Variants in CASP10 observed in about 807,000 individuals in gnomAD.
The protein encoded by CASP10 is caspase-10.
Under a neutral mutation model 48.5 loss-of-function variants are expected in CASP10, and 41 were observed. That is an observed-to-expected ratio of 0.85 (90% confidence interval 0.66 to 1.10). The LOEUF is 1.10. Ranked by LOEUF, CASP10 falls within the 50% of genes least tolerant of loss-of-function variation. CASP10 has a pLI of 0.00. For synonymous variants in CASP10, 232 were observed against 238.4 expected (o/e 0.97, Z 0.25); for missense variants, 614 against 614.5 (o/e 1.00, Z 0.01).
At chr2:201,223,298 C>T (rs747948915), downstream of CASP10, among the ~76,000 whole-genome samples, 4 of 152,186 alleles carry the variant, frequency 2.6e-5, no homozygotes, top group Non-Finnish European at 4.4e-5. Context: ...TAACAGACTC[C>T]TCCTCCACCG....
Position 201,193,051 on chromosome 2 carries a change from T to G in CASP10, c.509T>G (p.Leu170Arg). Residue 170 changes from leucine to arginine, a missense_variant, in exon 4 of 10, where the codon CTG (leucine) becomes CGG (arginine). Coordinates refer to ENST00000286186, the MANE Select transcript of CASP10 (RefSeq NM_032977.4). Reference protein sequence around the residue: ...GKIDEDNLTCLEDLCKTVVPK... With the variant: ...GKIDEDNLTCREDLCKTVVPK... ...ATAGATGAAGATAATCTGACATGCC[T>G]GGAGGACCTCTGCAAAACAGTTGTA... 1 of 1,613,766 alleles carries G rather than the reference T, an allele frequency of 6.2e-7. No homozygotes were observed. Among genetic ancestry groups the G allele is most frequent in the Non-Finnish European group, 8.5e-7 (1 of 1,179,670 alleles).
intron 5 of CASP10, among the ~76,000 whole-genome samples, chr2:201,198,409 G>C (rs1176834246): frequency 6.6e-6 from 1 of 151,412 alleles, no homozygotes; most frequent in Non-Finnish European, 1.5e-5. Context: ...TTTTTTAATA[G>C]AGACAGGGTT....
intron 3 of CASP10, 131 bp downstream of exon 3, chr2:201,187,930 G>A (rs1944472151): frequency 2.7e-6 from 2 of 734,140 alleles, no homozygotes; most frequent in East Asian, 5.4e-5. Context: ...ACGAACATTG[G>A]CTTTGGTGCT....
downstream of CASP10, among the ~76,000 whole-genome samples, chr2:201,226,174 A>G (rs1206659195): frequency 6.6e-6 from 1 of 152,264 alleles, no homozygotes; most frequent in African/African-American, 2.4e-5. Flanking sequence ...AGTAATTAAA[A>G]GGAAATACCA....
downstream of CASP10, among the ~76,000 whole-genome samples, chr2:201,224,697 G>C (rs1945766661): frequency 6.6e-6 from 1 of 152,128 alleles, no homozygotes; most frequent in Non-Finnish European, 1.5e-5. Flanking sequence ...TCTGTAAAAT[G>C]CCTGGGAAAT....
At chr2:201,203,452 A>AT (rs1471771336) in intron 5 of CASP10, among the ~76,000 whole-genome samples, 1 of 151,954 alleles carries the variant, frequency 6.6e-6, no homozygotes, top group Non-Finnish European at 1.5e-5. Flanking sequence ...GATTACTGGC[A>AT]TGCGCTACCA....
At chr2:201,193,369 G>A (rs1240336405) in intron 4 of CASP10, 2 of 378,040 alleles carry the variant, frequency 5.3e-6, no homozygotes, top group Non-Finnish European at 1.0e-5. Context: ...CACCACGCCT[G>A]GCTAATTTTT....
At chr2:201,196,716 A>G (rs1403509479) in intron 5 of CASP10, among the ~76,000 whole-genome samples, 1 of 152,236 alleles carries the variant, frequency 6.6e-6, no homozygotes, top group Non-Finnish European at 1.5e-5. Flanking sequence ...AATTTTAAGT[A>G]TACAGTTCAG....
chr2:201,202,131 G>A (rs920051309), intron 5 of CASP10, among the ~76,000 whole-genome samples: 5 of 152,158 alleles, frequency 3.3e-5, no homozygotes, highest in South Asian at 2.1e-4. Flanking sequence ...GATTACAGGC[G>A]TGAGCCACCG....
downstream of CASP10, among the ~76,000 whole-genome samples, chr2:201,222,378 G>A (rs887096055): frequency 6.6e-6 from 1 of 151,944 alleles, no homozygotes; most frequent in African/African-American, 2.4e-5. Context: ...CACCATGCCT[G>A]GCTAATTTTC....
In CASP10 at chr2:201,219,793, C is replaced by T; in HGVS notation, c.*2052C>T. 1.0e-6 allele frequency: 1 copy of T among 981,914 alleles called. No homozygotes were observed. 60.8% of individuals were successfully genotyped at this position (981,914 alleles called of 1,614,324 possible). ...TTTTGAATCCTTAAAGGTGAGCCCT[C>T]ATAGGGAGATCCAAAGTCCTGTGGT... is the stretch of plus-strand genomic sequence containing the variant. On this transcript the variant is annotated 3_prime_UTR_variant, in exon 10 of 10. Coordinates refer to ENST00000286186, the MANE Select transcript of CASP10 (RefSeq NM_032977.4).
chr2:201,219,257 G>A lies in CASP10; in HGVS notation c.*1516G>A, dbSNP rs1559315856. 8.9e-6 allele frequency: 2 copies of A among 223,532 alleles called. No homozygotes were observed. The highest frequency in any genetic ancestry group is 7.5e-6 in the Non-Finnish European group (1 of 133,444). 13.8% of individuals were successfully genotyped at this position (223,532 alleles called of 1,614,324 possible). A position where few individuals can be genotyped will look rare whatever the true frequency, so the allele number is the denominator to read the frequency against. ...TGCACTCCAGCTTGGGCAACAGGGC[G>A]AGACCTTGTTTAAAAAAAAAATTCA... is the stretch of plus-strand genomic sequence containing the variant. On this transcript the variant is annotated 3_prime_UTR_variant, in exon 10 of 10. Coordinates refer to ENST00000286186, the MANE Select transcript of CASP10 (RefSeq NM_032977.4).
chr2:201,185,876 C>A lies in CASP10; in HGVS notation c.99C>A (p.Val33=). The A allele has an allele frequency of 6.2e-7, 1 of 1,614,086 alleles. No individual in the cohort carries two copies. Among genetic ancestry groups the A allele is most frequent in the Non-Finnish European group, 8.5e-7 (1 of 1,179,964 alleles). ...KLLIIDSNLG[V]QDVENLKFLC... ...TGATTATTGATTCAAACCTGGGGGT[C>A]CAAGATGTGGAGAACCTCAAGTTTC... Residue 33 remains valine (V), a synonymous_variant, in exon 2 of 10, where the codon GTC becomes GTA. Coordinates refer to ENST00000286186, the MANE Select transcript of CASP10 (RefSeq NM_032977.4).
At chr2:201,197,014 T>C (rs953669119) in intron 5 of CASP10, among the ~76,000 whole-genome samples, 2 of 152,180 alleles carry the variant, frequency 1.3e-5, no homozygotes, top group African/African-American at 4.8e-5. Flanking sequence ...TCTCAGAATT[T>C]CCTTCCTTTT....
chr2:201,199,002 T>A (rs563933040), intron 5 of CASP10, among the ~76,000 whole-genome samples: 1 of 152,350 alleles, frequency 6.6e-6, no homozygotes, highest in East Asian at 1.9e-4. Context: ...TTCCTAGATT[T>A]ACCTACCTGT....
In CASP10 at chr2:201,200,528, C is replaced by T. The variant is rs540969592; in HGVS notation, c.685-3202C>T. On this transcript the variant is annotated intron_variant, in intron 5 of 9. Transcript: ENST00000286186. ...CTCCTGGAGCTTGGCAAAGGCTGGG[C>T]AAACGCCCACCTGAAGACTATGCAG... The T allele has an allele frequency of 5.6e-6, 9 of 1,597,978 alleles. No individual in the cohort carries two copies. The African/African-American group carries it at 6.7e-5, about 12-fold the overall frequency.
chr2:201,206,132 T>C, intron 7 of CASP10, 159 bp downstream of exon 7: 1 of 573,524 alleles, frequency 1.7e-6, no homozygotes, highest in Non-Finnish European at 3.1e-6. Context: ...TCCCTCTCTC[T>C]GTAATTATCT....
intron 9 of CASP10, chr2:201,213,310 T>C (rs1438732725): frequency 1.3e-5 from 2 of 152,180 alleles, no homozygotes; most frequent in African/African-American, 4.8e-5. Context: ...ATAATAATTT[T>C]AGGATTTAGA....
In CASP10 at chr2:201,209,345, G is replaced by T. The variant is rs762404236; in HGVS notation, c.1198G>T (p.Ala400Ser). 6.2e-7 allele frequency: 1 copy of T among 1,614,040 alleles called. No homozygotes were observed. The highest frequency in any genetic ancestry group is 8.5e-7 in the Non-Finnish European group (1 of 1,180,006). The change falls in exon 9 of 10, where the codon GCC (alanine) becomes TCC (serine). Residue 400 changes from alanine (A) to serine (S), a missense_variant. Physicochemically the swap from Ala to Ser is moderately conservative, Grantham distance 99. Transcript: ENST00000286186. ...AEKPKLFFIQ[A>S]CQGEEIQPSV... ...AAAACCTAAACTCTTTTTCATCCAG[G>T]CCTGCCAAGGTGAAGAGATACAGCC...
Sources: gnomAD v4.1 joint callset for allele counts (sites outside exome capture counted in the v4.1 genomes callset) on GRCh38, gnomAD v4.1.1 for gene constraint, MANE v1.5 for transcripts, NCBI Gene and HGNC (gene_info 2026-07-23, HGNC 2026-07-21) for gene names.